RAB11FIP2: variants seen among roughly 807,000 people sequenced by gnomAD.
The protein encoded by RAB11FIP2 is rab11 family-interacting protein 2.
RAB11FIP2 carries 16 observed loss-of-function variants against 40.9 expected under a neutral mutation model. The ratio of observed to expected loss-of-function variants is 0.39; its 90% CI spans 0.26 to 0.59. RAB11FIP2 has a LOEUF of 0.59. Ranked by LOEUF, RAB11FIP2 falls within the 20% of genes least tolerant of loss-of-function variation. The pLI, the probability that RAB11FIP2 is intolerant of heterozygous loss-of-function variation, is 0.53. For missense variants in RAB11FIP2, 532 were observed against 606.2 expected, an observed-to-expected ratio of 0.88 and a Z score of 1.28; for synonymous variants, 228 against 213.7, an observed-to-expected ratio of 1.07 and a Z score of -0.58.
chr10:118,015,787 A>G (rs1184599385), intron 3 of RAB11FIP2, among the ~76,000 whole-genome samples: 1 of 152,194 alleles, frequency 6.6e-6, no homozygotes, highest in East Asian at 1.9e-4. Context: ...GACTGCAACC[A>G]AAAGACGCTA....
At chr10:118,018,723 T>C (rs1456241197) in intron 3 of RAB11FIP2, among the ~76,000 whole-genome samples, 4 of 152,106 alleles carry the variant, frequency 2.6e-5, no homozygotes, top group Non-Finnish European at 5.9e-5. Flanking sequence ...TACCTCAAAG[T>C]TAAAATAAAT....
intron 3 of RAB11FIP2, among the ~76,000 whole-genome samples, chr10:118,022,048 A>G (rs533151644): frequency 3.3e-4 from 51 of 152,332 alleles, no homozygotes; most frequent in African/African-American, 1.2e-3. Context: ...TGAAAGACCA[A>G]TCATGTCTTT....
chr10:118,045,057 C>CT (rs1252579579), intron 1 of RAB11FIP2, among the ~76,000 whole-genome samples: 1 of 152,050 alleles, frequency 6.6e-6, no homozygotes, highest in East Asian at 1.9e-4. Context: ...AAAAGTCATA[C>CT]TGAAAAGACC....
At chr10:118,030,847 T>G (rs930201991) in intron 3 of RAB11FIP2, among the ~76,000 whole-genome samples, 15 of 152,114 alleles carry the variant, frequency 9.9e-5, no homozygotes, top group Non-Finnish European at 1.8e-4. Context: ...GATACACCAA[T>G]TAATGAGAGC....
At chr10:118,026,856 A>G (rs1463826376) in intron 3 of RAB11FIP2, among the ~76,000 whole-genome samples, 1 of 152,246 alleles carries the variant, frequency 6.6e-6, no homozygotes, top group Non-Finnish European at 1.5e-5. Context: ...TTTTAGTTTT[A>G]TCTCATCAAA....
At chr10:118,030,716 AG>A (rs1846403034) in intron 3 of RAB11FIP2, among the ~76,000 whole-genome samples, 1 of 151,834 alleles carries the variant, frequency 6.6e-6, no homozygotes, top group African/African-American at 2.4e-5. Flanking sequence ...AAACCAGCAA[AG>A]TTTGTCTTTT....
Position 118,008,826 on chromosome 10 carries a change from G to A in RAB11FIP2, c.*172C>T. On this transcript the variant is annotated 3_prime_UTR_variant, in exon 5 of 5. Transcript: ENST00000355624. ...TTTAAATGATTTAGCTTGCTTCAAA[G>A]GTCACTCTTGATAGTCCCTGCTAAT... The A allele has an allele frequency of 3.3e-6, 2 of 611,644 alleles. No homozygotes were observed. The highest frequency in any genetic ancestry group is 5.7e-6 in the Non-Finnish European group (2 of 348,824). 37.9% of individuals were successfully genotyped at this position (611,644 alleles called of 1,614,324 possible). A position where few individuals can be genotyped will look rare whatever the true frequency, so the allele number is the denominator to read the frequency against.
intron 4 of RAB11FIP2, among the ~76,000 whole-genome samples, chr10:118,013,655 C>T: frequency 6.6e-6 from 1 of 152,058 alleles, no homozygotes; most frequent in East Asian, 1.9e-4. Context: ...AAATTAACAA[C>T]ACCTAGTAAT....
intron 3 of RAB11FIP2, among the ~76,000 whole-genome samples, chr10:118,022,529 C>A (rs1288013155): frequency 1.3e-5 from 2 of 152,190 alleles, no homozygotes; most frequent in Non-Finnish European, 2.9e-5. Context: ...AAGGAACAAT[C>A]TACTTCACTG....
In RAB11FIP2 at chr10:118,036,614, C is replaced by T. The variant is rs185813046; in HGVS notation, c.1265+2358G>A. 1.5e-3 allele frequency among the ~76,000 whole-genome samples: 225 copies of T among 152,166 alleles called. 1 individual carries two copies. Among genetic ancestry groups the T allele is most frequent in the Non-Finnish European group, 1.0e-3 (68 of 67,988 alleles). ...TTTTTTATAAGATTAACTAGAACTA[C>T]CCCTTTACTGCAAATGTTTTACATT... On this transcript the variant is annotated intron_variant, in intron 3 of 4. Transcript: ENST00000355624.
At chr10:118,045,652 GCTA>G in intron 1 of RAB11FIP2, 156 bp downstream of exon 1, 1 of 584,238 alleles carries the variant, frequency 1.7e-6, no homozygotes, top group East Asian at 2.9e-5. Flanking sequence ...CATCACGAGT[GCTA>G]CTTTTACTTC....
intron 3 of RAB11FIP2, among the ~76,000 whole-genome samples, chr10:118,026,420 TTA>T (rs1213677839): frequency 6.6e-6 from 1 of 152,174 alleles, no homozygotes; most frequent in Non-Finnish European, 1.5e-5. Context: ...GAGTAGAATT[TTA>T]TACTCTTGAT....
At chr10:118,034,862 T>G (rs1846461897) in intron 3 of RAB11FIP2, among the ~76,000 whole-genome samples, 1 of 152,146 alleles carries the variant, frequency 6.6e-6, no homozygotes, top group Admixed American at 6.5e-5. Context: ...TCCCGACTTC[T>G]TAGTAGCAAG....
intron 3 of RAB11FIP2, 75 bp from the exon 4 acceptor site, chr10:118,015,185 C>T (rs1047024412): frequency 8.0e-7 from 1 of 1,253,772 alleles, no homozygotes; most frequent in African/African-American, 1.5e-5. Flanking sequence ...AAAATTTTAA[C>T]CAACATTGTA....
intron 1 of RAB11FIP2, chr10:118,045,347 C>T (rs961624228): frequency 1.9e-5 from 3 of 156,522 alleles, no homozygotes; most frequent in Non-Finnish European, 4.2e-5. Flanking sequence ...GTTTATAACG[C>T]TGAAACGAAA....
rs769040235 is a variant in RAB11FIP2 at position 118,045,899 on chromosome 10, T to C, written c.265A>G (p.Arg89Gly). 6.2e-7 allele frequency: 1 copy of C among 1,614,106 alleles called. No homozygotes were observed. The highest frequency in any genetic ancestry group is 1.1e-5 in the South Asian group (1 of 91,096). The change falls in exon 1 of 5, where the codon AGG becomes GGG. Residue 89 changes from arginine to glycine, a missense_variant. Coordinates refer to ENST00000355624, the MANE Select transcript of RAB11FIP2 (RefSeq NM_014904.3). ...AATTTATCCAGACCCACCAGGGACC[T>C]GTGCATAACTATAAGGAAAAGAATG... ...KYILFLIVMH[R>G]SLVGLDKFLG... is the part of the protein sequence containing the mutation.
chr10:118,011,995 C>T (rs1455874331), intron 4 of RAB11FIP2, among the ~76,000 whole-genome samples: 1 of 151,382 alleles, frequency 6.6e-6, no homozygotes, highest in Non-Finnish European at 1.5e-5. Flanking sequence ...TAAAAGTGCA[C>T]TGTTATATTT....
intron 2 of RAB11FIP2, chr10:118,039,659 T>C: frequency 1.8e-6 from 1 of 540,732 alleles, no homozygotes; most frequent in South Asian, 2.5e-5. Flanking sequence ...CCATTAGTAA[T>C]GTATTCAGCT....
At chr10:118,023,744 A>C (rs574728736) in intron 3 of RAB11FIP2, among the ~76,000 whole-genome samples, 1 of 152,212 alleles carries the variant, frequency 6.6e-6, no homozygotes, top group Non-Finnish European at 1.5e-5. Context: ...ACATCAATGA[A>C]ATTAAGGCTT....
Sources: allele counts gnomAD v4.1 joint callset (sites outside exome capture counted in the v4.1 genomes callset), GRCh38; gene constraint gnomAD v4.1.1; transcripts MANE v1.5; gene names NCBI Gene and HGNC (gene_info 2026-07-23, HGNC 2026-07-21).